The following MYO1H variants were observed in gnomAD, a reference collection of about 807,000 sequenced individuals.
MYO1H encodes the protein unconventional myosin-Ih.
In MYO1H, 118 loss-of-function variants were observed where a neutral mutation model predicts 149.3. The ratio of observed to expected loss-of-function variants is 0.79; its 90% CI spans 0.68 to 0.92. The LOEUF is 0.92. Among genes scored for constraint, MYO1H ranks in the 40% least tolerant of loss-of-function variants. MYO1H has a pLI of 0.00. For missense variants in MYO1H, 1,212 were observed against 1,280.7 expected (o/e 0.95, Z 0.82); for synonymous variants, 447 against 465.2 (o/e 0.96, Z 0.50).
intron 1 of MYO1H, among the ~76,000 whole-genome samples, chr12:109,377,078 ACTT>A (rs1177089671): frequency 6.6e-6 from 1 of 152,190 alleles, no homozygotes; most frequent in African/African-American, 2.4e-5. Flanking sequence ...TGCAGCCGCC[ACTT>A]CTTTATAGTT....
intron 5 of MYO1H, among the ~76,000 whole-genome samples, chr12:109,398,741 CAAAAAAAAA>C (rs35031072): frequency 5.8e-5 from 3 of 51,994 alleles, no homozygotes; most frequent in Admixed American, 5.3e-4. Context: ...AACTTCCTCT[CAAAAAAAAA>C]AAAAAAAAAA....
At chr12:109,311,256 T>G in the MYO1H span, among the ~76,000 whole-genome samples, 2 of 152,180 alleles carry the variant, frequency 1.3e-5, no homozygotes, top group African/African-American at 4.8e-5. Context: ...GCAAGAATCC[T>G]TCACTAAAAG....
At chr12:109,369,135 G>A (rs1398882336) in intron 1 of MYO1H, among the ~76,000 whole-genome samples, 1 of 151,966 alleles carries the variant, frequency 6.6e-6, no homozygotes, top group Non-Finnish European at 1.5e-5. Flanking sequence ...TTACAGGCAT[G>A]TGCCACCACA....
At chr12:109,361,123 T>C (rs1187570338) in intron 1 of MYO1H, among the ~76,000 whole-genome samples, 1 of 152,236 alleles carries the variant, frequency 6.6e-6, no homozygotes, top group African/African-American at 2.4e-5. Context: ...CCAATTCTTT[T>C]CTTGGAAGGA....
intron 2 of MYO1H, among the ~76,000 whole-genome samples, chr12:109,390,239 C>G (rs1217785273): frequency 1.4e-5 from 2 of 146,244 alleles, no homozygotes; most frequent in Non-Finnish European, 3.0e-5. Context: ...TTGGGTCTTG[C>G]TAAGTTGCCC....
chr12:109,404,879 C>A, intron 7 of MYO1H, among the ~76,000 whole-genome samples: 2 of 144,070 alleles, frequency 1.4e-5, no homozygotes. Flanking sequence ...GATTGTTAAA[C>A]TATCAGTCTT....
chr12:109,416,420 A>G (rs1241132556), intron 15 of MYO1H, among the ~76,000 whole-genome samples: 3 of 149,090 alleles, frequency 2.0e-5, no homozygotes, highest in Non-Finnish European at 3.0e-5. Context: ...GAATCATGCA[A>G]TGTGTGACCT....
At chr12:109,393,796 T>C (rs1326568511) in intron 3 of MYO1H, among the ~76,000 whole-genome samples, 3 of 152,192 alleles carry the variant, frequency 2.0e-5, no homozygotes, top group Non-Finnish European at 2.9e-5. Context: ...TCCAAAGTAG[T>C]AGAAAACTTT....
rs765170399 is a variant in MYO1H at position 109,444,544 on chromosome 12, C to G, written c.2993+15C>G. On this transcript the variant is annotated intron_variant, in intron 30 of 31. Coordinates refer to ENST00000310903, the Ensembl canonical transcript of MYO1H. ...GTTCAAGGAAGGTAGGTGGCTTCAT[C>G]TTCAGCTCAGGAAGTAATTCAATGT... 3.8e-6 allele frequency: 6 copies of G among 1,588,910 alleles called. No homozygotes were observed. The South Asian group carries it at 5.5e-5, about 15-fold the overall frequency.
intron 14 of MYO1H, among the ~76,000 whole-genome samples, chr12:109,413,064 C>G (rs139575622): frequency 1.3e-5 from 2 of 152,208 alleles, no homozygotes; most frequent in African/African-American, 4.8e-5. Flanking sequence ...GCAACCTCCA[C>G]CTCCCGGGTT....
intron 25 of MYO1H, 114 bp from the exon 26 acceptor site, chr12:109,441,501 A>G (rs906797709): frequency 1.6e-6 from 1 of 630,046 alleles, no homozygotes; most frequent in Non-Finnish European, 2.7e-6. Context: ...CTCCAGGGTA[A>G]CAAGGCTCCC....
At chr12:109,310,503 C>A in the MYO1H span, among the ~76,000 whole-genome samples, 1 of 152,234 alleles carries the variant, frequency 6.6e-6, no homozygotes, top group Non-Finnish European at 1.5e-5. Flanking sequence ...TGCGCCGCCC[C>A]CACCGAGTGA....
chr12:109,387,136 G>A (rs557670076), intron 1 of MYO1H, among the ~76,000 whole-genome samples: 1 of 151,670 alleles, frequency 6.6e-6, no homozygotes, highest in Non-Finnish European at 1.5e-5. Context: ...TCCCTGTGTT[G>A]CCCAGGCTGG....
chr12:109,442,213 C>G lies in MYO1H; in HGVS notation c.2633-4C>G. On this transcript the variant is annotated splice_region_variant and splice_polypyrimidine_tract_variant and intron_variant, in intron 26 of 31. Transcript: ENST00000310903. Reference sequence around the variant, plus strand: ...GATTCATGGCCTTCTGGTTCCCTCTCTAGATGAAGGAGACATTAATCCGAA... The same window carrying G: ...GATTCATGGCCTTCTGGTTCCCTCTGTAGATGAAGGAGACATTAATCCGAA... 6.2e-7 allele frequency: 1 copy of G among 1,613,604 alleles called. No individual in the cohort carries two copies. The highest frequency in any genetic ancestry group is 1.1e-5 in the South Asian group (1 of 91,074).
chr12:109,396,824 T>TG (rs1566026671), intron 4 of MYO1H, among the ~76,000 whole-genome samples: 47 of 125,250 alleles, frequency 3.8e-4, no homozygotes, highest in African/African-American at 1.4e-3. Flanking sequence ...GTTTTTTTTT[T>TG]TTTTTTTTTT....
chr12:109,391,004 A>G (rs976412485), intron 2 of MYO1H, among the ~76,000 whole-genome samples: 1 of 152,126 alleles, frequency 6.6e-6, no homozygotes, highest in African/African-American at 2.4e-5. Context: ...AGAACCATAA[A>G]TCAGGTTTAC....
At chr12:109,448,122 A>G (rs987403288) in exon 32 of MYO1H, 1 of 150,722 alleles carries the variant, frequency 6.6e-6, no homozygotes, top group Admixed American at 6.6e-5. Context: ...CGTGTAGCTC[A>G]TGTATTTCAC....
At chr12:109,343,773 G>C (rs971528570), upstream of MYO1H, among the ~76,000 whole-genome samples, 1 of 152,186 alleles carries the variant, frequency 6.6e-6, no homozygotes, top group Non-Finnish European at 1.5e-5. Flanking sequence ...TTATTGAAGT[G>C]GTCACTTTTC....
At chr12:109,405,139 G>A (rs549770915) in intron 7 of MYO1H, among the ~76,000 whole-genome samples, 1 of 152,042 alleles carries the variant, frequency 6.6e-6, no homozygotes, top group African/African-American at 2.4e-5. Context: ...CTTGAGCCCA[G>A]GAGGTTGAGG....
Sources: gnomAD v4.1 joint callset for allele counts (sites outside exome capture counted in the v4.1 genomes callset) on GRCh38, gnomAD v4.1.1 for gene constraint, MANE v1.5 for transcripts, NCBI Gene and HGNC (gene_info 2026-07-23, HGNC 2026-07-21) for gene names.